Variants in ZBTB20 observed in about 807,000 individuals in gnomAD.
ZBTB20 encodes the protein zinc finger and BTB domain containing 20.
Under a neutral mutation model 56.9 loss-of-function variants are expected in ZBTB20, and 9 were observed. That is an observed-to-expected ratio of 0.16 (90% CI 0.10 to 0.28). ZBTB20 has a LOEUF of 0.28. Among genes scored for constraint, ZBTB20 ranks in the 10% least tolerant of loss-of-function variants. ZBTB20 has a pLI of 1.00. For missense variants in ZBTB20, 655 were observed against 1,003.0 expected, an observed-to-expected ratio of 0.65 and a Z score of 4.69; for synonymous variants, 417 against 420.7, an observed-to-expected ratio of 0.99 and a Z score of 0.11.
chr3:114,466,823 T>C (rs1424534401), intron 7 of ZBTB20, among the ~76,000 whole-genome samples: 1 of 152,152 alleles, frequency 6.6e-6, no homozygotes, highest in Non-Finnish European at 1.5e-5. Context: ...AATCCTAATA[T>C]TTAGAACATG....
At chr3:114,368,142 C>T (rs1280259767) in intron 10 of ZBTB20, among the ~76,000 whole-genome samples, 1 of 152,142 alleles carries the variant, frequency 6.6e-6, no homozygotes, top group East Asian at 1.9e-4. Context: ...CCATCGAATC[C>T]TTCTAATAAC....
At chr3:114,766,630 A>AAC (rs1226990970) in intron 5 of ZBTB20, among the ~76,000 whole-genome samples, 2 of 151,956 alleles carry the variant, frequency 1.3e-5, no homozygotes, top group Non-Finnish European at 2.9e-5. Flanking sequence ...AGTTTAAAAA[A>AAC]ACACACACAA....
At chr3:114,734,817 G>A (rs2066019606) in intron 5 of ZBTB20, among the ~76,000 whole-genome samples, 1 of 152,010 alleles carries the variant, frequency 6.6e-6, no homozygotes. Flanking sequence ...GCAGCTCAGG[G>A]ACTGGTAAGG....
At chr3:114,605,776 G>A (rs2057097706) in intron 6 of ZBTB20, among the ~76,000 whole-genome samples, 1 of 152,032 alleles carries the variant, frequency 6.6e-6, no homozygotes, top group Non-Finnish European at 1.5e-5. Context: ...GATGGAAGAA[G>A]TTAACAAGGC....
chr3:114,705,763 T>C (rs1005266710), intron 5 of ZBTB20, among the ~76,000 whole-genome samples: 2 of 152,218 alleles, frequency 1.3e-5, no homozygotes, highest in Non-Finnish European at 2.9e-5. Context: ...GGAGGAATTT[T>C]ACACTTTGGC....
intron 2 of ZBTB20, among the ~76,000 whole-genome samples, chr3:115,063,847 T>C (rs540107306): frequency 1.3e-5 from 2 of 152,188 alleles, no homozygotes; most frequent in African/African-American, 4.8e-5. Flanking sequence ...ATTTTAGACA[T>C]AATATATTAA....
At chr3:114,966,829 A>G (rs2077666556) in intron 3 of ZBTB20, among the ~76,000 whole-genome samples, 1 of 152,168 alleles carries the variant, frequency 6.6e-6, no homozygotes, top group Admixed American at 6.6e-5. Context: ...AAATATTTAC[A>G]TAAAGTTAAA....
intron 2 of ZBTB20, among the ~76,000 whole-genome samples, chr3:115,031,759 A>G (rs973270351): frequency 2.6e-5 from 4 of 151,544 alleles, no homozygotes; most frequent in African/African-American, 9.7e-5. Context: ...TTGACATTGC[A>G]CAGGAAATCA....
chr3:114,859,822 C>G (rs1275321444), intron 4 of ZBTB20, among the ~76,000 whole-genome samples: 1 of 152,164 alleles, frequency 6.6e-6, no homozygotes, highest in African/African-American at 2.4e-5. Context: ...ACTTTTACAA[C>G]TACAATGTCA....
At chr3:114,890,598 C>T (rs1480028558) in intron 4 of ZBTB20, among the ~76,000 whole-genome samples, 1 of 151,948 alleles carries the variant, frequency 6.6e-6, no homozygotes, top group African/African-American at 2.4e-5. Flanking sequence ...CCGGGCCTGT[C>T]CTGGGGTGGG....
rs183357266 is a variant in ZBTB20 at position 114,650,752 on chromosome 3, T to C, written c.-295+42776A>G. On this transcript the variant is annotated intron_variant, in intron 6 of 11. Coordinates refer to ENST00000675478, the MANE Select transcript of ZBTB20 (RefSeq NM_001348800.3). ...TCTAAGTATAAATATTCTCCCATTA[T>C]ATTCCTCTGTGCTAACACAATAATC... 9.2e-5 allele frequency among the ~76,000 whole-genome samples: 14 copies of C among 152,126 alleles called. No homozygotes were observed. The East Asian group carries it at 1.9e-3, about 21-fold the overall frequency.
chr3:114,675,198 A>G (rs2061562275), intron 6 of ZBTB20, among the ~76,000 whole-genome samples: 2 of 151,606 alleles, frequency 1.3e-5, no homozygotes, highest in Admixed American at 1.3e-4. Flanking sequence ...TTGCATCACA[A>G]CCCCAGCTGT....
chr3:115,118,252 T>C (rs778364246), intron 1 of ZBTB20, among the ~76,000 whole-genome samples: 2 of 152,004 alleles, frequency 1.3e-5, no homozygotes, highest in African/African-American at 2.4e-5. Flanking sequence ...TAGAGTGCAG[T>C]TGTGTGGTAA....
intron 10 of ZBTB20, among the ~76,000 whole-genome samples, chr3:114,365,607 A>AGGAG (rs1251643582): frequency 6.6e-6 from 1 of 152,202 alleles, no homozygotes. Flanking sequence ...TGAAACAAGG[A>AGGAG]GGAGGATGTG....
intron 4 of ZBTB20, among the ~76,000 whole-genome samples, chr3:114,884,511 C>G (rs2076532151): frequency 6.6e-6 from 1 of 152,082 alleles, no homozygotes; most frequent in African/African-American, 2.4e-5. Flanking sequence ...GGTGAATGAA[C>G]AGTTGATTAG....
At chr3:114,455,648 G>A (rs993166018) in intron 7 of ZBTB20, among the ~76,000 whole-genome samples, 5 of 152,136 alleles carry the variant, frequency 3.3e-5, no homozygotes, top group African/African-American at 4.8e-5. Flanking sequence ...ACCGTGGCAA[G>A]AGATCAGCAC....
intron 5 of ZBTB20, among the ~76,000 whole-genome samples, chr3:114,748,352 T>TTCTCTCTCTCTCTCTC (rs71146332): frequency 0.19 from 9,052 of 48,328 alleles, 1,858 homozygotes; most frequent in Non-Finnish European, 0.28. Context: ...TTTCTTTCTT[T>TTCTCTCTCTCTCTCTC]TCTCTCTCTC....
At chr3:114,494,999 C>A (rs2043125541) in intron 7 of ZBTB20, among the ~76,000 whole-genome samples, 1 of 152,196 alleles carries the variant, frequency 6.6e-6, no homozygotes, top group Non-Finnish European at 1.5e-5. Context: ...TTTCAAGACT[C>A]AGCTGAATCA....
intron 6 of ZBTB20, among the ~76,000 whole-genome samples, chr3:114,503,184 G>A: frequency 6.6e-6 from 1 of 152,278 alleles, no homozygotes; most frequent in East Asian, 1.9e-4. Flanking sequence ...CACACAGGAT[G>A]GCTGTCAATG....
Sources: gnomAD v4.1 joint callset for allele counts (sites outside exome capture counted in the v4.1 genomes callset) on GRCh38, gnomAD v4.1.1 for gene constraint, MANE v1.5 for transcripts, NCBI Gene and HGNC (gene_info 2026-07-23, HGNC 2026-07-21) for gene names.